Variants in PAK6 observed in about 807,000 individuals in gnomAD.
PAK6 encodes the protein p21 (RAC1) activated kinase 6.
A neutral mutation model predicts 60.8 loss-of-function variants in PAK6; 33 were observed. The observed-to-expected ratio is 0.54, with a 90% CI of 0.41 to 0.73. The LOEUF (loss-of-function observed/expected upper bound fraction) is 0.73. PAK6 is among the 30% of genes least tolerant of loss of function. The pLI is 0.00. For synonymous variants in PAK6, 404 were observed against 378.5 expected (o/e 1.07, Z -0.78); for missense variants, 845 against 904.1 (o/e 0.93, Z 0.84).
chr15:40,242,256 A>G (rs1276254777), intron 2 of PAK6, among the ~76,000 whole-genome samples: 1 of 152,168 alleles, frequency 6.6e-6, no homozygotes, highest in Non-Finnish European at 1.5e-5. Context: ...CTGGGCAGGG[A>G]AGAGGCTAAG....
At chr15:40,272,110 A>G in intron 5 of PAK6, 114 bp from the exon 6 acceptor site, 1 of 1,163,794 alleles carries the variant, frequency 8.6e-7, no homozygotes, top group Non-Finnish European at 1.2e-6. Context: ...TTGATCTGAT[A>G]CCCCGCCTGA....
At chr15:40,241,114 G>A (rs2140936108) in intron 2 of PAK6, among the ~76,000 whole-genome samples, 1 of 152,288 alleles carries the variant, frequency 6.6e-6, no homozygotes, top group Admixed American at 6.5e-5. Flanking sequence ...CTGAAACTCA[G>A]CATCAGGGCA....
Position 40,273,547 on chromosome 15 carries a change from G to T in PAK6, c.1618-4G>T, listed in dbSNP as rs764099069. The T allele has an allele frequency of 6.2e-7, 1 of 1,613,830 alleles. No individual in the cohort carries two copies. Among genetic ancestry groups the T allele is most frequent in the South Asian group, 1.1e-5 (1 of 91,072 alleles). ...TCCACCACTCACTCCCTTTTCAACCGCAGGTGAAGCTCTCGGACTTCGGAT... is the reference window on the plus strand; with the variant it reads ...TCCACCACTCACTCCCTTTTCAACCTCAGGTGAAGCTCTCGGACTTCGGAT... On this transcript the variant is annotated splice_region_variant and splice_polypyrimidine_tract_variant and intron_variant, in intron 8 of 10. Transcript: ENST00000560346.
At chr15:40,242,248 G>T (rs944152278) in intron 2 of PAK6, among the ~76,000 whole-genome samples, 1 of 152,190 alleles carries the variant, frequency 6.6e-6, no homozygotes, top group African/African-American at 2.4e-5. Flanking sequence ...GTAGGTGACT[G>T]GGCAGGGAAG....
chr15:40,271,670 C>T (rs913038835), intron 5 of PAK6, among the ~76,000 whole-genome samples: 1 of 152,190 alleles, frequency 6.6e-6, no homozygotes, highest in Non-Finnish European at 1.5e-5. Context: ...CTCCCTGCTG[C>T]AGGCACAGGC....
chr15:40,264,888 G>A, exon 4 of PAK6: 1 of 1,613,922 alleles, frequency 6.2e-7, no homozygotes, highest in Non-Finnish European at 8.5e-7. Flanking sequence ...CAAGTTTGTG[G>A]GCCTCCCCCC....
chr15:40,264,195 AC>A (rs1266033347), intron 3 of PAK6, among the ~76,000 whole-genome samples: 1 of 152,040 alleles, frequency 6.6e-6, no homozygotes, highest in African/African-American at 2.4e-5. Context: ...AACAGGTTCA[AC>A]CATCCTGGGA....
intron 2 of PAK6, among the ~76,000 whole-genome samples, chr15:40,244,149 G>T (rs1399230173): frequency 1.3e-5 from 2 of 152,018 alleles, no homozygotes; most frequent in Non-Finnish European, 2.9e-5. Flanking sequence ...GGCCAACATG[G>T]TGAACCCCGT....
chr15:40,248,973 T>C (rs1174812315), intron 2 of PAK6, among the ~76,000 whole-genome samples: 1 of 152,150 alleles, frequency 6.6e-6, no homozygotes, highest in Non-Finnish European at 1.5e-5. Context: ...CTGGACTGGA[T>C]AACAAAATAC....
intron 3 of PAK6, chr15:40,259,786 CAAAAAAAAAAAA>C (rs10670123): frequency 1.6e-5 from 1 of 62,466 alleles, no homozygotes; most frequent in South Asian, 9.0e-4. Context: ...AACGCTGTCT[CAAAAAAAAAAAA>C]AAAAAAAAAA....
chr15:40,261,107 C>CTCTA (rs1361452273), intron 3 of PAK6, among the ~76,000 whole-genome samples: 2 of 151,668 alleles, frequency 1.3e-5, no homozygotes, highest in African/African-American at 4.8e-5. Context: ...CCAGGATGAT[C>CTCTA]TCTATCTCCT....
At chr15:40,247,997 C>A (rs1392643110) in intron 2 of PAK6, among the ~76,000 whole-genome samples, 1 of 152,160 alleles carries the variant, frequency 6.6e-6, no homozygotes, top group African/African-American at 2.4e-5. Context: ...TCCTCCATAG[C>A]CCTGTACCCC....
At position 40,274,153 on chromosome 15, in the gene PAK6, GTC is replaced by G; in HGVS notation, c.1759_1760del (p.Leu587GlyfsTer6). ...TTTTCCTCCTGCAGGTGGATATCTG[GTC>G]TCTGGGCATCATGGTGATTGAGATG... On this transcript the variant is annotated frameshift_variant, in exon 10 of 11. Transcript: ENST00000560346. LOFTEE classifies it high-confidence loss of function. 1 of 1,614,084 alleles carries G rather than the reference GTC, an allele frequency of 6.2e-7. No individual in the cohort carries two copies. The highest frequency in any genetic ancestry group is 8.5e-7 in the Non-Finnish European group (1 of 1,180,016).
chr15:40,272,144 G>A (rs2039320718), intron 5 of PAK6, 80 bp from the exon 6 acceptor site: 27 of 1,501,620 alleles, frequency 1.8e-5, no homozygotes, highest in South Asian at 3.8e-5. Context: ...CAGAGGTCAC[G>A]GCGGCCAGCC....
chr15:40,242,586 G>C (rs2038385113), intron 2 of PAK6, among the ~76,000 whole-genome samples: 1 of 152,282 alleles, frequency 6.6e-6, no homozygotes, highest in Middle Eastern at 3.4e-3. Context: ...AGCAGGTTGG[G>C]GAGGAGCATT....
rs1356881607 is a variant in PAK6, at chr15:40,266,131, G to A, written c.494G>A (p.Ser165Asn). 3 of 1,609,888 alleles carry A rather than the reference G, an allele frequency of 1.9e-6. No homozygotes were observed. Among genetic ancestry groups the A allele is most frequent in the East Asian group, 4.5e-5 (2 of 44,858 alleles). The change falls in exon 5 of 11, where the codon AGC becomes AAC. Residue 165 changes from serine to asparagine, a missense_variant. By Grantham distance (46) the Ser-to-Asn change is conservative. Transcript: ENST00000560346. The stretch of plus-strand genomic sequence containing the variant: ...CAGATGCCGTGGCCCGAGCCACAGA[G>A]CCCACGGGTCCTGCCCAATGGGCTG...
At chr15:40,268,767 T>C (rs1305605704) in intron 5 of PAK6, among the ~76,000 whole-genome samples, 1 of 152,174 alleles carries the variant, frequency 6.6e-6, no homozygotes, top group East Asian at 1.9e-4. Flanking sequence ...GACAGTTTTT[T>C]AGGAGCTTGC....
intron 3 of PAK6, among the ~76,000 whole-genome samples, chr15:40,253,515 G>A (rs1408405592): frequency 6.6e-6 from 1 of 152,242 alleles, no homozygotes. Context: ...GCTGGTAGAC[G>A]TCAAGACCTC....
At chr15:40,244,427 C>T (rs1349820475) in intron 2 of PAK6, among the ~76,000 whole-genome samples, 13 of 144,744 alleles carry the variant, frequency 9.0e-5, no homozygotes, top group Admixed American at 3.5e-4. Context: ...GACAGAGTTT[C>T]GCTCTTGTTG....
Sources: allele counts gnomAD v4.1 joint callset (sites outside exome capture counted in the v4.1 genomes callset), GRCh38; gene constraint gnomAD v4.1.1; transcripts MANE v1.5; gene names NCBI Gene and HGNC (gene_info 2026-07-23, HGNC 2026-07-21).